The following LRMDA variants were observed in gnomAD, a reference collection of about 807,000 sequenced individuals.
LRMDA encodes leucine-rich melanocyte differentiation-associated protein.
A neutral mutation model predicts 29.8 loss-of-function variants in LRMDA; 18 were observed. The observed-to-expected ratio is 0.60, with a 90% CI of 0.42 to 0.90. The LOEUF (loss-of-function observed/expected upper bound fraction) is 0.90. Ranked by LOEUF, LRMDA falls within the 40% of genes least tolerant of loss-of-function variation. The pLI is 0.00. For missense variants in LRMDA, 273 were observed against 273.9 expected, an observed-to-expected ratio of 1.00 and a Z score of 0.02; for synonymous variants, 125 against 109.4, an observed-to-expected ratio of 1.14 and a Z score of -0.89.
At chr10:76,538,955 G>A (rs1456645557) in intron 6 of LRMDA, among the ~76,000 whole-genome samples, 1 of 152,002 alleles carries the variant, frequency 6.6e-6, no homozygotes, top group Non-Finnish European at 1.5e-5. Context: ...TTTAGAGGTG[G>A]GAGTGAGTAG....
At chr10:75,514,268 C>T (rs1845262819) in intron 2 of LRMDA, among the ~76,000 whole-genome samples, 1 of 151,468 alleles carries the variant, frequency 6.6e-6, no homozygotes, top group Non-Finnish European at 1.5e-5. Flanking sequence ...TCCTCATCCC[C>T]CTCCTCCTTC....
intron 6 of LRMDA, among the ~76,000 whole-genome samples, chr10:76,490,210 CATAAG>C (rs1451953139): frequency 1.3e-5 from 2 of 151,900 alleles, no homozygotes; most frequent in African/African-American, 4.8e-5. Context: ...TGTCACCTAA[CATAAG>C]ATTTGTCCTT....
intron 2 of LRMDA, among the ~76,000 whole-genome samples, chr10:75,517,673 C>A (rs1286503308): frequency 6.6e-6 from 1 of 152,132 alleles, no homozygotes; most frequent in East Asian, 1.9e-4. Context: ...TCCTCTTTTC[C>A]TAATTGAATA....
intron 6 of LRMDA, among the ~76,000 whole-genome samples, chr10:76,529,993 CT>C (rs1161184301): frequency 3.9e-5 from 6 of 152,098 alleles, no homozygotes; most frequent in African/African-American, 9.7e-5. Flanking sequence ...GCCAATGGGA[CT>C]TAGTTTCCAG....
intron 2 of LRMDA, among the ~76,000 whole-genome samples, chr10:75,611,555 T>C (rs1019672023): frequency 2.0e-4 from 30 of 152,258 alleles, no homozygotes; most frequent in African/African-American, 7.2e-4. Context: ...CCAGGCAGCC[T>C]CCATTCCACT....
At chr10:75,634,287 A>C (rs1293796710) in intron 2 of LRMDA, among the ~76,000 whole-genome samples, 1 of 152,160 alleles carries the variant, frequency 6.6e-6, no homozygotes, top group East Asian at 1.9e-4. Context: ...TCTTGCCTAG[A>C]GTTTATTGGT....
At chr10:76,517,943 T>TGAAC (rs1564564652) in intron 6 of LRMDA, among the ~76,000 whole-genome samples, 4 of 133,774 alleles carry the variant, frequency 3.0e-5, no homozygotes, top group Admixed American at 2.2e-4. Flanking sequence ...TATAAACATA[T>TGAAC]ATATATATAT....
intron 2 of LRMDA, among the ~76,000 whole-genome samples, chr10:75,785,926 C>T (rs1843464314): frequency 6.6e-6 from 1 of 152,188 alleles, no homozygotes; most frequent in Admixed American, 6.5e-5. Flanking sequence ...TCTCTGGCAC[C>T]TTGGACAACT....
chr10:75,916,366 T>C (rs1360194918), intron 2 of LRMDA, among the ~76,000 whole-genome samples: 4 of 151,990 alleles, frequency 2.6e-5, no homozygotes, highest in African/African-American at 9.7e-5. Context: ...CTGGCTGGGC[T>C]CCTCAGAGCT....
intron 6 of LRMDA, among the ~76,000 whole-genome samples, chr10:76,412,942 C>T (rs202080952): frequency 6.6e-6 from 1 of 152,088 alleles, no homozygotes; most frequent in East Asian, 1.9e-4. Flanking sequence ...CCCCTGACTT[C>T]CTTCCTCCTC....
intron 6 of LRMDA, among the ~76,000 whole-genome samples, chr10:76,363,199 AGGG>A (rs1841342303): frequency 1.0e-4 from 2 of 19,846 alleles, no homozygotes; most frequent in Admixed American, 3.3e-4. Flanking sequence ...GGAGGGAGGG[AGGG>A]AGGGAGGGAA....
chr10:75,614,931 T>G (rs1198354656), intron 2 of LRMDA, among the ~76,000 whole-genome samples: 1 of 152,150 alleles, frequency 6.6e-6, no homozygotes, highest in Non-Finnish European at 1.5e-5. Flanking sequence ...CCTGGGGAGA[T>G]GGAGTTAGGT....
chr10:76,402,203 T>A (rs1474536827), intron 6 of LRMDA: 4 of 152,156 alleles, frequency 2.6e-5, no homozygotes. Context: ...GGCAGAATAA[T>A]GTGCTAGGTC....
intron 2 of LRMDA, among the ~76,000 whole-genome samples, chr10:75,537,028 C>A (rs1466620246): frequency 3.3e-5 from 5 of 152,192 alleles, no homozygotes; most frequent in Non-Finnish European, 7.3e-5. Flanking sequence ...TGCCAGGGAG[C>A]ACAGATGCTC....
intron 2 of LRMDA, among the ~76,000 whole-genome samples, chr10:75,490,704 T>C (rs1178575122): frequency 6.6e-6 from 1 of 152,210 alleles, no homozygotes; most frequent in Non-Finnish European, 1.5e-5. Flanking sequence ...TTTTGGGATA[T>C]CTGCCTGCTG....
At position 76,290,666 on chromosome 10, in the gene LRMDA, C is replaced by A. The variant is rs150903662; in HGVS notation, c.517-33735C>A. On this transcript the variant is annotated intron_variant, in intron 5 of 6. Coordinates refer to ENST00000611255, the MANE Select transcript of LRMDA (RefSeq NM_001305581.2). ...CGAACTCTTAACCTTAGGTGATCCACCAGCCTCAGCCTTCCAAAGTGCTGG... is the reference window on the plus strand; with the variant it reads ...CGAACTCTTAACCTTAGGTGATCCAACAGCCTCAGCCTTCCAAAGTGCTGG... 3.2e-3 allele frequency among the ~76,000 whole-genome samples: 487 copies of A among 152,218 alleles called. 23 individuals are homozygous for A. In the East Asian group the frequency reaches 0.076, roughly 24 times the overall value.
At chr10:76,006,983 C>CGTGTGTGTGT (rs572881040) in intron 2 of LRMDA, among the ~76,000 whole-genome samples, 6,261 of 115,902 alleles carry the variant, frequency 0.054, 287 homozygotes, top group East Asian at 0.077. Context: ...ATGGAGAAGG[C>CGTGTGTGTGT]GTGTGTGTGT....
At chr10:75,443,163 T>G (rs1179969048) in intron 2 of LRMDA, among the ~76,000 whole-genome samples, 2 of 152,172 alleles carry the variant, frequency 1.3e-5, no homozygotes, top group Non-Finnish European at 2.9e-5. Flanking sequence ...GAGACAATTT[T>G]ACTTCCTCCT....
At chr10:75,900,677 C>A (rs1197868563) in intron 2 of LRMDA, among the ~76,000 whole-genome samples, 1 of 152,152 alleles carries the variant, frequency 6.6e-6, no homozygotes, top group Non-Finnish European at 1.5e-5. Context: ...CCACAGTTGC[C>A]ATTTCTGTCA....
Sources: gnomAD v4.1 joint callset for allele counts (sites outside exome capture counted in the v4.1 genomes callset) on GRCh38, gnomAD v4.1.1 for gene constraint, MANE v1.5 for transcripts, NCBI Gene and HGNC (gene_info 2026-07-23, HGNC 2026-07-21) for gene names.